Variants in ANO4 observed in about 807,000 individuals in gnomAD.
ANO4 encodes anoctamin-4.
A neutral mutation model predicts 141.9 loss-of-function variants in ANO4; 69 were observed. That is an observed-to-expected ratio of 0.49 (90% CI 0.40 to 0.59). The LOEUF (loss-of-function observed/expected upper bound fraction) is 0.59, where lower values mean the gene tolerates loss of function less well. Among genes scored for constraint, ANO4 ranks in the 20% least tolerant of loss-of-function variants. The pLI, the probability that ANO4 is intolerant of heterozygous loss-of-function variation, is 0.00. For missense variants in ANO4, 894 were observed against 1,162.2 expected (o/e 0.77, Z 3.36); for synonymous variants, 350 against 394.3 (o/e 0.89, Z 1.33).
At chr12:100,750,586 G>A (rs913132519) in intron 3 of ANO4, among the ~76,000 whole-genome samples, 6 of 152,054 alleles carry the variant, frequency 3.9e-5, no homozygotes, top group Non-Finnish European at 8.8e-5. Flanking sequence ...TTGAAGGATA[G>A]GAATAATCCT....
intron 1 of ANO4, among the ~76,000 whole-genome samples, chr12:100,801,799 G>A (rs1733866944): frequency 6.6e-6 from 1 of 152,152 alleles, no homozygotes; most frequent in African/African-American, 2.4e-5. Flanking sequence ...GAGGAACGTT[G>A]TGTGGGGAGA....
At chr12:100,904,869 G>A (rs979649901) in intron 2 of ANO4, among the ~76,000 whole-genome samples, 1 of 152,212 alleles carries the variant, frequency 6.6e-6, no homozygotes, top group Non-Finnish European at 1.5e-5. Context: ...TGATCCAGTG[G>A]AGAAATGATG....
intron 14 of ANO4, among the ~76,000 whole-genome samples, chr12:101,063,773 T>TTTTTTTTTC (rs2048455301): frequency 2.1e-5 from 3 of 140,938 alleles, no homozygotes; most frequent in Non-Finnish European, 3.1e-5. Flanking sequence ...TTTTTTTTTT[T>TTTTTTTTTC]TTTTTGCCTT....
chr12:100,914,431 T>C (rs983563788), intron 2 of ANO4, among the ~76,000 whole-genome samples: 1 of 152,228 alleles, frequency 6.6e-6, no homozygotes, highest in Non-Finnish European at 1.5e-5. Flanking sequence ...AATCAATATG[T>C]TTATTCCTGC....
chr12:100,890,138 A>G (rs946360054), intron 1 of ANO4, among the ~76,000 whole-genome samples: 1 of 152,188 alleles, frequency 6.6e-6, no homozygotes, highest in African/African-American at 2.4e-5. Flanking sequence ...GTGAAAACAT[A>G]TACTTTTTTT....
intron 13 of ANO4, among the ~76,000 whole-genome samples, chr12:101,044,788 A>G (rs1363190411): frequency 6.6e-6 from 1 of 152,206 alleles, no homozygotes; most frequent in Non-Finnish European, 1.5e-5. Flanking sequence ...CAAAAAAAGC[A>G]CAAAATGCTC....
At chr12:100,857,958 A>G (rs950682361) in intron 1 of ANO4, among the ~76,000 whole-genome samples, 11 of 152,350 alleles carry the variant, frequency 7.2e-5, no homozygotes, top group African/African-American at 2.4e-4. Context: ...AAAGAAAATG[A>G]AATGTGACTA....
intron 1 of ANO4, among the ~76,000 whole-genome samples, chr12:100,884,682 G>A (rs2039740719): frequency 6.6e-6 from 1 of 151,996 alleles, no homozygotes; most frequent in South Asian, 2.1e-4. Flanking sequence ...GAGACTCTAG[G>A]GGAGAATCTG....
chr12:100,741,937 G>T (rs1478079505), intron 3 of ANO4, among the ~76,000 whole-genome samples: 1 of 152,038 alleles, frequency 6.6e-6, no homozygotes, highest in African/African-American at 2.4e-5. Context: ...ATTTTATCAT[G>T]GTTCCCTTAG....
At chr12:100,766,842 CTATT>C (rs200446720) in intron 3 of ANO4, among the ~76,000 whole-genome samples, 1,591 of 151,614 alleles carry the variant, frequency 0.01, 18 homozygotes, top group African/African-American at 0.036. Flanking sequence ...GTGTTTCTCT[CTATT>C]TCACCCTTCA....
chr12:100,915,516 G>A (rs2041298210), intron 2 of ANO4, among the ~76,000 whole-genome samples: 1 of 152,126 alleles, frequency 6.6e-6, no homozygotes, highest in Non-Finnish European at 1.5e-5. Flanking sequence ...GTGACATGGG[G>A]AGGGTAAGAG....
chr12:101,073,771 T>C (rs1346570943), intron 14 of ANO4, among the ~76,000 whole-genome samples: 1 of 151,884 alleles, frequency 6.6e-6, no homozygotes, highest in African/African-American at 2.4e-5. Context: ...ACTTAGAGAG[T>C]GGAATCCTCA....
chr12:100,730,035 ATCTC>A (rs143580322), intron 1 of ANO4, among the ~76,000 whole-genome samples: 3 of 150,270 alleles, frequency 2.0e-5, no homozygotes, highest in African/African-American at 7.3e-5. Context: ...GTGCTTATAA[ATCTC>A]TCTCTCTCTC....
In ANO4 at chr12:100,922,311, T is replaced by G. The variant is rs1311621906; in HGVS notation, c.141T>G (p.Ile47Met). 1.3e-6 allele frequency: 2 copies of G among 1,530,748 alleles called. No homozygotes were observed. Among genetic ancestry groups the G allele is most frequent in the South Asian group, 2.4e-5 (2 of 83,018 alleles). 94.8% of individuals were successfully genotyped at this position (1,530,748 alleles called of 1,614,324 possible). The change falls in exon 3 of 28, where the codon ATT becomes ATG. Residue 47 changes from isoleucine (I) to methionine (M), a missense_variant. By Grantham distance (10) the Ile-to-Met change is conservative (BLOSUM62 1). Around this residue, in one of 2 missense-constraint regions of ANO4, gnomAD observed 257 missense variants for 253.0 expected, o/e 1.02. Transcript: ENST00000392977. The part of the protein sequence containing the change: ...GPKSDVDFSE[I>M]LNAIQEMAKD... ...AGAGTGATGTGGACTTTTCAGAGAT[T>G]CTTAATGCAATACAAGAAAGTAAGT...
intron 9 of ANO4, among the ~76,000 whole-genome samples, chr12:101,024,205 G>A (rs754778846): frequency 6.6e-6 from 1 of 152,180 alleles, no homozygotes; most frequent in South Asian, 2.1e-4. Flanking sequence ...TTTGAATTTG[G>A]TGCTTAGAGG....
intron 1 of ANO4, among the ~76,000 whole-genome samples, chr12:100,797,156 A>T (rs1425057239): frequency 6.6e-6 from 1 of 152,066 alleles, no homozygotes; most frequent in Non-Finnish European, 1.5e-5. Context: ...ACACACATAT[A>T]CAAGCGTGTA....
At chr12:101,004,154 G>T (rs1592986417) in intron 8 of ANO4, among the ~76,000 whole-genome samples, 1 of 147,148 alleles carries the variant, frequency 6.8e-6, no homozygotes, top group South Asian at 2.2e-4. Flanking sequence ...TACTGTGGGG[G>T]AAGTGAAGAA....
At chr12:101,012,647 G>A (rs2046144733) in intron 8 of ANO4, among the ~76,000 whole-genome samples, 1 of 152,146 alleles carries the variant, frequency 6.6e-6, no homozygotes, top group Non-Finnish European at 1.5e-5. Context: ...GTGTGGAAAG[G>A]TGAAGTCATT....
intron 2 of ANO4, among the ~76,000 whole-genome samples, chr12:100,919,738 A>ATGTATCTATCTATCTATCTATCTG (rs2041538792): frequency 9.5e-6 from 1 of 105,772 alleles, no homozygotes; most frequent in Non-Finnish European, 1.8e-5. Flanking sequence ...GTATGTATGT[A>ATGTATCTATCTATCTATCTATCTG]TCTATCTATC....
Sources: gnomAD v4.1 joint callset for allele counts (sites outside exome capture counted in the v4.1 genomes callset) on GRCh38, gnomAD v4.1.1 for gene constraint, gnomAD v4.1.1 regional missense constraint, MANE v1.5 for transcripts, NCBI Gene and HGNC (gene_info 2026-07-23, HGNC 2026-07-21) for gene names.